The following PALLD variants were observed in gnomAD, a reference collection of about 807,000 sequenced individuals.
The protein encoded by PALLD is palladin, cytoskeletal associated protein.
In PALLD, 61 loss-of-function variants were observed where a neutral mutation model predicts 123.5. The observed-to-expected ratio is 0.49, with a 90% confidence interval of 0.40 to 0.61. The LOEUF (loss-of-function observed/expected upper bound fraction) is 0.61. Among genes scored for constraint, PALLD ranks in the 20% least tolerant of loss-of-function variants. The pLI is 0.00. For synonymous variants in PALLD, 465 were observed against 496.4 expected, an observed-to-expected ratio of 0.94 and a Z score of 0.84; for missense variants, 1,273 against 1,377.0, an observed-to-expected ratio of 0.92 and a Z score of 1.20.
chr4:168,855,490 G>C (rs1419494872), intron 10 of PALLD, among the ~76,000 whole-genome samples: 1 of 152,132 alleles, frequency 6.6e-6, no homozygotes, highest in Non-Finnish European at 1.5e-5. Context: ...TTTAATTAAG[G>C]CTTTCTTATT....
intron 10 of PALLD, among the ~76,000 whole-genome samples, chr4:168,765,231 A>C (rs1733500858): frequency 2.6e-5 from 4 of 152,226 alleles, no homozygotes; most frequent in Admixed American, 2.6e-4. Flanking sequence ...AAAATAGAGA[A>C]GGTTTAGTAA....
chr4:168,742,772 A>G (rs1252807886), intron 10 of PALLD, among the ~76,000 whole-genome samples: 1 of 152,214 alleles, frequency 6.6e-6, no homozygotes, highest in African/African-American at 2.4e-5. Context: ...TTAACCCTAC[A>G]TATGTTAATC....
At chr4:168,735,439 TG>T (rs1787649109) in intron 10 of PALLD, among the ~76,000 whole-genome samples, 1 of 152,236 alleles carries the variant, frequency 6.6e-6, no homozygotes, top group African/African-American at 2.4e-5. Flanking sequence ...CTCCTACTCA[TG>T]TTAACCACCT....
At chr4:168,575,463 C>A (rs60112862) in intron 2 of PALLD, among the ~76,000 whole-genome samples, 2,324 of 152,050 alleles carry the variant, frequency 0.015, 58 homozygotes, top group African/African-American at 0.052. Context: ...GGAAACCGCC[C>A]CCATGATCCA....
At chr4:168,890,393 G>A (rs1753982493) in intron 10 of PALLD, among the ~76,000 whole-genome samples, 1 of 152,168 alleles carries the variant, frequency 6.6e-6, no homozygotes, top group Admixed American at 6.5e-5. Flanking sequence ...GGGATGGAAG[G>A]GAAGGTAACA....
At chr4:168,621,449 A>C (rs1774753971) in intron 2 of PALLD, among the ~76,000 whole-genome samples, 1 of 152,244 alleles carries the variant, frequency 6.6e-6, no homozygotes, top group Non-Finnish European at 1.5e-5. Flanking sequence ...ACGTGACACA[A>C]ACCAGAGTGA....
chr4:168,559,524 T>C (rs2149570734), intron 2 of PALLD, among the ~76,000 whole-genome samples: 1 of 152,282 alleles, frequency 6.6e-6, no homozygotes, highest in East Asian at 1.9e-4. Flanking sequence ...TGTTTAAATA[T>C]GCACATTTCA....
At chr4:168,830,456 G>T (rs547818509) in intron 10 of PALLD, among the ~76,000 whole-genome samples, 2 of 152,122 alleles carry the variant, frequency 1.3e-5, no homozygotes, top group African/African-American at 2.4e-5. Flanking sequence ...CTTGAGCCTG[G>T]GAGGTCAAAA....
chr4:168,892,075 A>T (rs1754232286), intron 11 of PALLD, among the ~76,000 whole-genome samples: 1 of 152,212 alleles, frequency 6.6e-6, no homozygotes, highest in Non-Finnish European at 1.5e-5. Context: ...TGTTTTCTCC[A>T]CTGGATTTAA....
At chr4:168,854,533 A>G (rs966331050) in intron 10 of PALLD, among the ~76,000 whole-genome samples, 9 of 152,186 alleles carry the variant, frequency 5.9e-5, no homozygotes, top group African/African-American at 2.2e-4. Context: ...CTGAAGATGC[A>G]AGAAGAGAAC....
intron 2 of PALLD, among the ~76,000 whole-genome samples, chr4:168,556,522 A>G: frequency 6.6e-6 from 1 of 152,024 alleles, no homozygotes; most frequent in East Asian, 1.9e-4. Flanking sequence ...CGGAAGTGAA[A>G]CTCCTGTACC....
chr4:168,896,510 C>G, intron 12 of PALLD, 39 bp from the exon 13 acceptor site: 1 of 1,181,404 alleles, frequency 8.5e-7, no homozygotes, highest in Non-Finnish European at 1.2e-6. Context: ...CTTATTATTT[C>G]TATTATTAGT....
intron 2 of PALLD, among the ~76,000 whole-genome samples, chr4:168,581,143 A>T (rs928234906): frequency 2.0e-5 from 3 of 151,294 alleles, no homozygotes; most frequent in Non-Finnish European, 3.0e-5. Context: ...TTACAATATT[A>T]AAAAAAAATA....
chr4:168,604,381 C>G (rs908682108), intron 2 of PALLD, among the ~76,000 whole-genome samples: 6 of 152,178 alleles, frequency 3.9e-5, no homozygotes, highest in Non-Finnish European at 7.3e-5. Context: ...CTATGAAACA[C>G]ACAACACCCA....
intron 10 of PALLD, among the ~76,000 whole-genome samples, chr4:168,775,911 C>T (rs1162663144): frequency 2.0e-5 from 3 of 152,182 alleles, no homozygotes; most frequent in Non-Finnish European, 4.4e-5. Context: ...TATGCCAGCA[C>T]TGTACTGTTT....
At chr4:168,713,389 T>G (rs912416395) in intron 10 of PALLD, among the ~76,000 whole-genome samples, 1 of 152,252 alleles carries the variant, frequency 6.6e-6, no homozygotes, top group Non-Finnish European at 1.5e-5. Context: ...GTGCTTTTAA[T>G]GAAACAAGGG....
intron 3 of PALLD, among the ~76,000 whole-genome samples, chr4:168,670,079 G>A (rs1780039569): frequency 6.6e-6 from 1 of 152,206 alleles, no homozygotes; most frequent in South Asian, 2.1e-4. Context: ...GGTGGGTTAT[G>A]TAGCAAACTT....
chr4:168,915,219 T>G (rs1759861076), intron 16 of PALLD, among the ~76,000 whole-genome samples: 1 of 152,232 alleles, frequency 6.6e-6, no homozygotes, highest in African/African-American at 2.4e-5. Context: ...TAAACTTATC[T>G]TCTAGTCACT....
rs144843733 is a variant in PALLD, at chr4:168,511,094, T to A, written c.-82-329T>A. 8.8e-4 allele frequency among the ~76,000 whole-genome samples: 132 copies of A among 149,256 alleles called. 1 individual carries two copies. The East Asian group carries it at 0.025, about 28-fold the overall frequency. On this transcript the variant is annotated intron_variant, in intron 1 of 21. Coordinates refer to ENST00000505667, the MANE Select transcript of PALLD (RefSeq NM_001166108.2). The stretch of plus-strand genomic sequence containing the variant: ...TTTACTAAAAATATCAATATTCTAT[T>A]GATCTCATTACATTAATCAATTAGA...
Sources: allele counts gnomAD v4.1 joint callset (sites outside exome capture counted in the v4.1 genomes callset), GRCh38; gene constraint gnomAD v4.1.1; transcripts MANE v1.5; gene names NCBI Gene and HGNC (gene_info 2026-07-23, HGNC 2026-07-21).